The following PHACTR3 variants were observed in gnomAD, a reference collection of about 807,000 sequenced individuals.
PHACTR3 encodes the protein phosphatase and actin regulator 3, also known as protein phosphatase 1, regulatory subunit 123.
A neutral mutation model predicts 66.8 loss-of-function variants in PHACTR3; 16 were observed. The observed-to-expected ratio is 0.24, with a 90% CI of 0.16 to 0.36. The LOEUF is 0.36. Ranked by LOEUF, PHACTR3 falls within the 10% of genes least tolerant of loss-of-function variation. The pLI is 1.00. For missense variants in PHACTR3, 647 were observed against 719.9 expected, an observed-to-expected ratio of 0.90 and a Z score of 1.16; for synonymous variants, 323 against 292.1, an observed-to-expected ratio of 1.11 and a Z score of -1.08.
At chr20:59,682,659 A>G (rs1358489048) in intron 1 of PHACTR3, among the ~76,000 whole-genome samples, 2 of 152,188 alleles carry the variant, frequency 1.3e-5, no homozygotes, top group Non-Finnish European at 2.9e-5. Context: ...ATCATTACGG[A>G]GGTGACATTT....
At position 59,820,374 on chromosome 20, in the gene PHACTR3, C is replaced by T. The variant is rs181471614; in HGVS notation, c.1328+14180C>T. On this transcript the variant is annotated intron_variant, in intron 8 of 12. Coordinates refer to ENST00000371015, the MANE Select transcript of PHACTR3 (RefSeq NM_080672.5). This position sits in a 1 kb window ranked among gnomAD's most constrained non-coding sequence, Gnocchi z 4.6. ...AAGGCCGGGGCAGGCAAGGCCAGCACGGATCAGGCAAAATGGTGGCTATCA... is the reference window on the plus strand; with the variant it reads ...AAGGCCGGGGCAGGCAAGGCCAGCATGGATCAGGCAAAATGGTGGCTATCA... Among the ~76,000 whole-genome samples the T allele has an allele frequency of 2.5e-3, 375 of 152,314 alleles. No homozygotes were observed. Among genetic ancestry groups the T allele is most frequent in the Non-Finnish European group, 4.3e-3 (295 of 68,022 alleles).
intron 3 of PHACTR3, among the ~76,000 whole-genome samples, chr20:59,751,691 G>C (rs75071685): frequency 0.04 from 6,080 of 152,100 alleles, 156 homozygotes; most frequent in African/African-American, 0.068. Context: ...CTCCCCTCTC[G>C]TTCCTGTGAC....
At chr20:59,827,987 G>A (rs561945843) in intron 8 of PHACTR3, among the ~76,000 whole-genome samples, 1 of 152,330 alleles carries the variant, frequency 6.6e-6, no homozygotes, top group Non-Finnish European at 1.5e-5. Context: ...TGTATTTTCA[G>A]GATGGTCCCG....
rs143320229 is a variant in PHACTR3, at chr20:59,685,388, G to T, written c.119-57719G>T. ...GACTTGGGAGACCCTACCAGCCTGG[G>T]TTTGAACCCTGTCTCTACCGCCTGC... On this transcript the variant is annotated intron_variant, in intron 1 of 12. Transcript: ENST00000371015. 5.0e-3 allele frequency among the ~76,000 whole-genome samples: 759 copies of T among 152,314 alleles called. 8 individuals are homozygous for T. Among genetic ancestry groups the T allele is most frequent in the Non-Finnish European group, 6.4e-3 (434 of 68,038 alleles).
At chr20:59,840,775 C>T (rs1409823065) in intron 10 of PHACTR3, among the ~76,000 whole-genome samples, 1 of 152,232 alleles carries the variant, frequency 6.6e-6, no homozygotes, top group African/African-American at 2.4e-5. Flanking sequence ...GTGTTTTAGT[C>T]ACATTTTACA....
intron 1 of PHACTR3, among the ~76,000 whole-genome samples, chr20:59,723,303 C>G (rs1166535252): frequency 1.3e-5 from 2 of 152,016 alleles, no homozygotes; most frequent in African/African-American, 4.8e-5. Context: ...TCCCCTTTCC[C>G]TACCCCTGGC....
chr20:59,583,104 C>G (rs2032909657), intron 1 of PHACTR3, among the ~76,000 whole-genome samples: 1 of 152,170 alleles, frequency 6.6e-6, no homozygotes, highest in Non-Finnish European at 1.5e-5. Flanking sequence ...AAACACATCC[C>G]TCTGCGTCTC....
upstream of PHACTR3, among the ~76,000 whole-genome samples, chr20:59,601,681 T>C (rs2033482873): frequency 1.3e-5 from 2 of 152,242 alleles, no homozygotes; most frequent in Non-Finnish European, 2.9e-5. Flanking sequence ...CTTATTATCT[T>C]CTATTGGTCA....
At chr20:59,791,926 A>G (rs1296312996) in intron 7 of PHACTR3, among the ~76,000 whole-genome samples, 2 of 152,150 alleles carry the variant, frequency 1.3e-5, no homozygotes, top group Non-Finnish European at 2.9e-5. Flanking sequence ...TTATGCTTAT[A>G]CAAGCGAAGA....
At chr20:59,680,369 G>T (rs1428846188) in intron 1 of PHACTR3, among the ~76,000 whole-genome samples, 1 of 151,886 alleles carries the variant, frequency 6.6e-6, no homozygotes, top group African/African-American at 2.4e-5. Context: ...CTGGACAGGA[G>T]AACTGCCTTA....
intron 1 of PHACTR3, among the ~76,000 whole-genome samples, chr20:59,635,149 T>TTCTTTC (rs1555881160): frequency 1.7e-5 from 1 of 60,410 alleles, no homozygotes; most frequent in Admixed American, 2.0e-4. Flanking sequence ...CTTTCTTTCT[T>TTCTTTC]TTTCTTTCTT....
At chr20:59,684,726 T>A (rs1310140276) in intron 1 of PHACTR3, among the ~76,000 whole-genome samples, 1 of 152,158 alleles carries the variant, frequency 6.6e-6, no homozygotes, top group Non-Finnish European at 1.5e-5. Context: ...TGGGAGCCCC[T>A]AGAGAGGAGG....
intron 7 of PHACTR3, among the ~76,000 whole-genome samples, chr20:59,796,807 T>G (rs2041263113): frequency 6.6e-6 from 1 of 152,212 alleles, no homozygotes; most frequent in African/African-American, 2.4e-5. Flanking sequence ...TTTGGTGGTT[T>G]GATTATGATG....
At chr20:59,790,309 T>C (rs2041050832) in intron 7 of PHACTR3, among the ~76,000 whole-genome samples, 1 of 152,056 alleles carries the variant, frequency 6.6e-6, no homozygotes, top group Admixed American at 6.6e-5. Flanking sequence ...CTCTAGAGAG[T>C]ATCTGAGACT....
chr20:59,671,808 G>A (rs1443633910), intron 1 of PHACTR3, among the ~76,000 whole-genome samples: 12 of 152,352 alleles, frequency 7.9e-5, no homozygotes, highest in African/African-American at 1.7e-4. Context: ...CTCCAGGCAG[G>A]ACCTGCCTTC....
intron 1 of PHACTR3, among the ~76,000 whole-genome samples, chr20:59,715,108 A>AT (rs1172957955): frequency 1.3e-5 from 2 of 152,026 alleles, no homozygotes; most frequent in East Asian, 1.9e-4. Flanking sequence ...GGAAAGCTTC[A>AT]TTTTTTCCTT....
At chr20:59,759,022 CATCTGTT>C (rs1179202375) in intron 4 of PHACTR3, among the ~76,000 whole-genome samples, 8 of 152,204 alleles carry the variant, frequency 5.3e-5, no homozygotes, top group Non-Finnish European at 2.9e-5. Flanking sequence ...TCGTCATTGT[CATCTGTT>C]GTCTTCATTG....
chr20:59,696,116 G>A (rs2037288085), intron 1 of PHACTR3, among the ~76,000 whole-genome samples: 1 of 152,198 alleles, frequency 6.6e-6, no homozygotes, highest in Non-Finnish European at 1.5e-5. Context: ...TTTTCTATAT[G>A]TTCCTTTATT....
intron 5 of PHACTR3, among the ~76,000 whole-genome samples, chr20:59,772,440 G>A (rs2040391105): frequency 6.6e-6 from 1 of 152,202 alleles, no homozygotes; most frequent in African/African-American, 2.4e-5. Context: ...CTCCAAGTAA[G>A]AGGAAAAGTG....
Sources: allele counts gnomAD v4.1 joint callset (sites outside exome capture counted in the v4.1 genomes callset), GRCh38; gene constraint gnomAD v4.1.1; non-coding constraint Gnocchi (gnomAD v3.1); transcripts MANE v1.5; gene names NCBI Gene and HGNC (gene_info 2026-07-23, HGNC 2026-07-21).